Variants in RBFOX1 observed in about 807,000 individuals in gnomAD.
RBFOX1 encodes RNA binding fox-1 homolog 1.
In RBFOX1, 8 loss-of-function variants were observed where a neutral mutation model predicts 57.7. That is an observed-to-expected ratio of 0.14 (90% CI 0.08 to 0.25). The LOEUF is 0.25. RBFOX1 is among the 10% of genes least tolerant of loss of function. The pLI is 1.00. For missense variants in RBFOX1, 611 were observed against 548.5 expected (o/e 1.11, Z -1.14); for synonymous variants, 326 against 222.4 (o/e 1.47, Z -4.15).
chr16:7,022,987 T>C (rs560466594), intron 3 of RBFOX1, among the ~76,000 whole-genome samples: 3 of 152,138 alleles, frequency 2.0e-5, no homozygotes, highest in Non-Finnish European at 4.4e-5. Flanking sequence ...GGCAGTGAAA[T>C]GCTTTTGCAG....
chr16:6,585,190 T>A (rs4786889), intron 2 of RBFOX1, among the ~76,000 whole-genome samples: 2 of 151,948 alleles, frequency 1.3e-5, no homozygotes, highest in Non-Finnish European at 1.5e-5. Flanking sequence ...ATGTCCTCCA[T>A]GGTATTTTTC....
chr16:6,830,228 C>A (rs1000442222), intron 3 of RBFOX1, among the ~76,000 whole-genome samples: 1 of 152,148 alleles, frequency 6.6e-6, no homozygotes, highest in Non-Finnish European at 1.5e-5. Flanking sequence ...AATGTATTTT[C>A]TTAATGTGTG....
chr16:5,861,085 A>G (rs1440621041), intron 3 of RBFOX1, among the ~76,000 whole-genome samples: 6 of 152,276 alleles, frequency 3.9e-5, no homozygotes, highest in African/African-American at 1.4e-4. Context: ...GTGTCAAGAG[A>G]TGGAGTCACA....
chr16:6,806,838 T>TATATATATATATA (rs1567331467), intron 3 of RBFOX1, among the ~76,000 whole-genome samples: 17 of 48,078 alleles, frequency 3.5e-4, no homozygotes, highest in Admixed American at 7.8e-4. Flanking sequence ...ATATATATAT[T>TATATATATATATA]TTTTTTTTTT....
intron 4 of RBFOX1, among the ~76,000 whole-genome samples, chr16:7,339,514 C>G (rs776193975): frequency 3.9e-5 from 6 of 152,184 alleles, no homozygotes; most frequent in Non-Finnish European, 7.3e-5. Context: ...GATCTCAGCT[C>G]ACTGCACCTC....
intron 2 of RBFOX1, among the ~76,000 whole-genome samples, chr16:6,489,545 C>T (rs1252905118): frequency 6.6e-6 from 1 of 152,104 alleles, no homozygotes; most frequent in Admixed American, 6.6e-5. Flanking sequence ...AGTCTGTGTT[C>T]CTAGCCATTT....
chr16:7,476,556 C>T (rs1336106618), intron 4 of RBFOX1, among the ~76,000 whole-genome samples: 2 of 152,152 alleles, frequency 1.3e-5, no homozygotes, highest in Non-Finnish European at 2.9e-5. Flanking sequence ...TTGGTTTTGT[C>T]AGCTCTTCTG....
At chr16:6,273,389 G>A (rs2152680651) in intron 1 of RBFOX1, among the ~76,000 whole-genome samples, 1 of 134,148 alleles carries the variant, frequency 7.5e-6, no homozygotes, top group East Asian at 2.2e-4. Context: ...TTGTTGCCCA[G>A]GCTGGAGTGC....
chr16:6,922,122 C>G (rs927946868), intron 3 of RBFOX1, among the ~76,000 whole-genome samples: 6 of 152,110 alleles, frequency 3.9e-5, no homozygotes, highest in Non-Finnish European at 5.9e-5. Context: ...CAGGCTGTTC[C>G]CTGTGCAACT....
At chr16:6,739,679 C>T (rs1056675416) in intron 3 of RBFOX1, among the ~76,000 whole-genome samples, 2 of 152,074 alleles carry the variant, frequency 1.3e-5, no homozygotes, top group African/African-American at 2.4e-5. Context: ...GAGTTCGAGA[C>T]CAGCTTGGCC....
At chr16:6,501,425 A>T (rs1469576767) in intron 2 of RBFOX1, among the ~76,000 whole-genome samples, 1 of 151,434 alleles carries the variant, frequency 6.6e-6, no homozygotes, top group Non-Finnish European at 1.5e-5. Context: ...TTTGCTAAGA[A>T]TGATGGTTTC....
chr16:6,976,585 C>T (rs2086908774), intron 3 of RBFOX1, among the ~76,000 whole-genome samples: 1 of 151,762 alleles, frequency 6.6e-6, no homozygotes, highest in Non-Finnish European at 1.5e-5. Flanking sequence ...AGAACAGCTA[C>T]TTCATAGACA....
chr16:6,188,747 C>T (rs2097123653), intron 1 of RBFOX1, among the ~76,000 whole-genome samples: 1 of 152,122 alleles, frequency 6.6e-6, no homozygotes, highest in South Asian at 2.1e-4. Context: ...TAAATGGGCA[C>T]CTGTATCAGT....
intron 2 of RBFOX1, among the ~76,000 whole-genome samples, chr16:6,516,342 C>G (rs574797315): frequency 6.6e-6 from 1 of 152,306 alleles, no homozygotes; most frequent in Non-Finnish European, 1.5e-5. Context: ...ATCTAATCCT[C>G]AGTTTCTTCA....
intron 4 of RBFOX1, among the ~76,000 whole-genome samples, chr16:7,084,969 T>C (rs1457176295): frequency 6.6e-6 from 1 of 152,156 alleles, no homozygotes; most frequent in East Asian, 1.9e-4. Context: ...TATCTGTCTG[T>C]CTGTCTGTCC....
intron 1 of RBFOX1, among the ~76,000 whole-genome samples, chr16:6,268,998 C>G (rs1217491338): frequency 2.0e-5 from 3 of 152,266 alleles, no homozygotes; most frequent in Non-Finnish European, 2.9e-5. Flanking sequence ...GGGGACATAT[C>G]TCTCACTTCA....
chr16:5,555,234 T>C (rs1191794824), intron 2 of RBFOX1, among the ~76,000 whole-genome samples: 2 of 152,108 alleles, frequency 1.3e-5, no homozygotes, highest in Non-Finnish European at 2.9e-5. Flanking sequence ...TTGCGGTTTT[T>C]GCAATTACTT....
At chr16:6,812,120 C>A (rs996319666) in intron 3 of RBFOX1, among the ~76,000 whole-genome samples, 2 of 152,142 alleles carry the variant, frequency 1.3e-5, no homozygotes, top group African/African-American at 4.8e-5. Flanking sequence ...GAGAAACTCA[C>A]TACCAAAGCA....
chr16:6,146,187 G>T (rs145866401), intron 1 of RBFOX1, among the ~76,000 whole-genome samples: 1 of 152,190 alleles, frequency 6.6e-6, no homozygotes, highest in African/African-American at 2.4e-5. Flanking sequence ...GCTGTGGGAG[G>T]GGGTGGAGGC....
Sources: allele counts gnomAD v4.1 joint callset (sites outside exome capture counted in the v4.1 genomes callset), GRCh38; gene constraint gnomAD v4.1.1; transcripts MANE v1.5; gene names NCBI Gene and HGNC (gene_info 2026-07-23, HGNC 2026-07-21).